KHDRBS2: variants seen among roughly 807,000 people sequenced by gnomAD.
KHDRBS2 encodes the protein KH domain-containing, RNA-binding, signal transduction-associated protein 2.
In KHDRBS2, 26 loss-of-function variants were observed where a neutral mutation model predicts 44.3. That is an observed-to-expected ratio of 0.59 (90% CI 0.43 to 0.81). The LOEUF (loss-of-function observed/expected upper bound fraction) is 0.81, where lower values mean the gene tolerates loss of function less well. KHDRBS2 is among the 40% of genes least tolerant of loss of function. The pLI is 0.00. For synonymous variants in KHDRBS2, 194 were observed against 151.1 expected, an observed-to-expected ratio of 1.28 and a Z score of -2.08; for missense variants, 476 against 433.1, an observed-to-expected ratio of 1.10 and a Z score of -0.88.
chr6:62,169,688 G>C (rs572811957), intron 2 of KHDRBS2, among the ~76,000 whole-genome samples: 11 of 152,170 alleles, frequency 7.2e-5, no homozygotes, highest in Non-Finnish European at 1.6e-4. Flanking sequence ...ACCTGTGCAA[G>C]ACTAGGGATG....
chr6:62,277,822 G>A (rs1212425305), intron 1 of KHDRBS2, among the ~76,000 whole-genome samples: 3 of 152,178 alleles, frequency 2.0e-5, no homozygotes, highest in Admixed American at 1.3e-4. Context: ...TGGAAGTACT[G>A]TTATGAGTCA....
chr6:62,022,678 GT>G (rs1447472955), intron 3 of KHDRBS2, among the ~76,000 whole-genome samples: 1 of 149,060 alleles, frequency 6.7e-6, no homozygotes, highest in Non-Finnish European at 1.5e-5. Context: ...TATTATCTCA[GT>G]TTTTAGTTTC....
intron 6 of KHDRBS2, among the ~76,000 whole-genome samples, chr6:61,811,293 A>G (rs960382715): frequency 6.6e-6 from 1 of 152,112 alleles, no homozygotes; most frequent in Non-Finnish European, 1.5e-5. Context: ...GGTCCTTTTT[A>G]TGACCACATA....
the KHDRBS2 span, among the ~76,000 whole-genome samples, chr6:61,555,183 T>C: frequency 6.6e-6 from 1 of 152,224 alleles, no homozygotes; most frequent in Non-Finnish European, 1.5e-5. Context: ...CCTATATTAT[T>C]CAGAAGTTTT....
chr6:61,721,495 G>A (rs377009986), intron 7 of KHDRBS2, among the ~76,000 whole-genome samples: 38 of 145,352 alleles, frequency 2.6e-4, no homozygotes, highest in Non-Finnish European at 4.7e-4. Context: ...GGTCCTTCAC[G>A]TCCCTTGTAA....
At chr6:61,603,555 A>G in the KHDRBS2 span, among the ~76,000 whole-genome samples, 1 of 152,154 alleles carries the variant, frequency 6.6e-6, no homozygotes, top group African/African-American at 2.4e-5. Flanking sequence ...TTATCCAAAC[A>G]ACTTGACCTT....
intron 1 of KHDRBS2, among the ~76,000 whole-genome samples, chr6:62,216,534 A>G (rs555608869): frequency 5.7e-4 from 86 of 151,728 alleles, no homozygotes; most frequent in Middle Eastern, 6.8e-3. Context: ...TCAGTATTTA[A>G]TATATATTCA....
At chr6:62,073,691 G>A (rs1341647494) in intron 2 of KHDRBS2, among the ~76,000 whole-genome samples, 1 of 151,066 alleles carries the variant, frequency 6.6e-6, no homozygotes, top group Admixed American at 6.6e-5. Flanking sequence ...GGCATTTATT[G>A]TGATCCCAGA....
At chr6:61,779,496 C>T (rs1460297405) in intron 6 of KHDRBS2, among the ~76,000 whole-genome samples, 1 of 151,892 alleles carries the variant, frequency 6.6e-6, no homozygotes, top group African/African-American at 2.4e-5. Context: ...AGTATGGTAA[C>T]CTGTAGAATA....
At chr6:61,641,741 A>G in the KHDRBS2 span, among the ~76,000 whole-genome samples, 7 of 152,164 alleles carry the variant, frequency 4.6e-5, no homozygotes, top group Admixed American at 4.6e-4. Flanking sequence ...AGTGGTCTGT[A>G]CTTACAATAT....
At position 61,736,941 on chromosome 6, in the gene KHDRBS2, A is replaced by G. The variant is rs1277209692; in HGVS notation, c.811-4177T>C. On this transcript the variant is annotated intron_variant, in intron 6 of 8. Coordinates refer to ENST00000281156, the MANE Select transcript of KHDRBS2 (RefSeq NM_152688.4). ...TTTAAGTTTCTGAAAAGCAAGGACT[A>G]TATCATAGTTTATCACCTTTTTGAT... 2.6e-5 allele frequency among the ~76,000 whole-genome samples: 4 copies of G among 152,240 alleles called. No individual in the cohort carries two copies. The East Asian group carries it at 5.8e-4, about 22-fold the overall frequency.
chr6:61,679,172 T>C (rs1766106613), downstream of KHDRBS2, among the ~76,000 whole-genome samples: 1 of 151,928 alleles, frequency 6.6e-6, no homozygotes, highest in Admixed American at 6.6e-5. Context: ...AAAAAAACTG[T>C]ATTTAAAAGA....
rs1318429650 is a variant in KHDRBS2 at position 61,745,053 on chromosome 6, G to C, written c.811-12289C>G. Among the ~76,000 whole-genome samples the C allele has an allele frequency of 7.9e-5, 12 of 152,196 alleles. No individual in the cohort carries two copies. The East Asian group carries it at 1.5e-3, about 20-fold the overall frequency. ...TAATGTGATTTAGGTTTCCAAGTAG[G>C]TGACTCTTAATCATGAACAGCTGCA... On this transcript the variant is annotated intron_variant, in intron 6 of 8. Coordinates refer to ENST00000281156, the MANE Select transcript of KHDRBS2 (RefSeq NM_152688.4).
intron 4 of KHDRBS2, among the ~76,000 whole-genome samples, chr6:61,925,058 T>A (rs1425652262): frequency 6.6e-6 from 1 of 152,210 alleles, no homozygotes; most frequent in Non-Finnish European, 1.5e-5. Flanking sequence ...ATCTTTTTTA[T>A]ACTGTGGTGC....
chr6:61,727,791 G>A (rs1773816115), intron 7 of KHDRBS2, among the ~76,000 whole-genome samples: 1 of 151,912 alleles, frequency 6.6e-6, no homozygotes, highest in South Asian at 2.1e-4. Flanking sequence ...TCGTGAAGTT[G>A]CAGGCAAAAA....
At chr6:61,550,975 T>C in the KHDRBS2 span, among the ~76,000 whole-genome samples, 3 of 152,038 alleles carry the variant, frequency 2.0e-5, no homozygotes, top group Admixed American at 2.0e-4. Context: ...GGTTTTACTA[T>C]GTTTCCCAGG....
At chr6:61,930,672 G>A (rs2127366696) in intron 4 of KHDRBS2, among the ~76,000 whole-genome samples, 1 of 150,448 alleles carries the variant, frequency 6.6e-6, no homozygotes, top group South Asian at 2.1e-4. Context: ...ACTCCAGCCT[G>A]GGCGACAGAG....
chr6:61,726,681 A>G (rs1339356932), intron 7 of KHDRBS2, among the ~76,000 whole-genome samples: 2 of 152,160 alleles, frequency 1.3e-5, no homozygotes, highest in African/African-American at 2.4e-5. Flanking sequence ...CACTGCCACA[A>G]AAAGAATAAA....
chr6:61,593,666 CG>C, the KHDRBS2 span, among the ~76,000 whole-genome samples: 1 of 151,736 alleles, frequency 6.6e-6, no homozygotes, highest in Non-Finnish European at 1.5e-5. Context: ...GTTAGCTTTA[CG>C]GAACTTTTTC....
Sources: allele counts gnomAD v4.1 joint callset (sites outside exome capture counted in the v4.1 genomes callset), GRCh38; gene constraint gnomAD v4.1.1; transcripts MANE v1.5; gene names NCBI Gene and HGNC (gene_info 2026-07-23, HGNC 2026-07-21).